ARNT: variants seen among roughly 807,000 people sequenced by gnomAD.
ARNT encodes class E basic helix-loop-helix protein 2.
In ARNT, 30 loss-of-function variants were observed where a neutral mutation model predicts 105.0. That is an observed-to-expected ratio of 0.29 (90% CI 0.21 to 0.39). The LOEUF (loss-of-function observed/expected upper bound fraction) is 0.39. ARNT is among the 10% of genes least tolerant of loss of function. ARNT has a pLI of 1.00. For synonymous variants in ARNT, 304 were observed against 344.0 expected (o/e 0.88, Z 1.29); for missense variants, 748 against 978.7 (o/e 0.76, Z 3.15).
rs10305703 is a variant in ARNT, at chr1:150,832,163, T to C, written c.869+171A>G. ...ATTTTCAAGAGAAGTTTTAGAAGTT[T>C]AGGAAAATATTGCCAGAAAAAAAGT... On this transcript the variant is annotated intron_variant, in intron 9 of 21. Coordinates refer to ENST00000358595, the MANE Select transcript of ARNT (RefSeq NM_001668.4). Among the ~76,000 whole-genome samples, 102 of 152,276 alleles carry C rather than the reference T, an allele frequency of 6.7e-4. 1 individual carries two copies. The South Asian group carries it at 0.02, about 30-fold the overall frequency.
At position 150,817,085 on chromosome 1, in the gene ARNT, C is replaced by T. The variant is rs1656042130; in HGVS notation, c.1696G>A (p.Ala566Thr). 2 of 1,614,098 alleles carry T rather than the reference C, an allele frequency of 1.2e-6. No homozygotes were observed. Among genetic ancestry groups the T allele is most frequent in the Non-Finnish European group, 8.5e-7 (1 of 1,180,004 alleles). The change falls in exon 17 of 22, where the codon GCG becomes ACG. Residue 566 changes from alanine to threonine, a missense_variant. Physicochemically the swap from Ala to Thr is moderately conservative, Grantham distance 58 (BLOSUM62 0). Transcript: ENST00000358595. ...RFSEIYHNIN[A>T]DQSKGISSST... ...GGATAATGAGAAAGAAACATACCCGCATTGATGTTGTGATAGATTTCTGAA... is the reference window on the plus strand; with the variant it reads ...GGATAATGAGAAAGAAACATACCCGTATTGATGTTGTGATAGATTTCTGAA...
At chr1:150,846,783 C>A (rs903195088) in intron 3 of ARNT, among the ~76,000 whole-genome samples, 1 of 152,116 alleles carries the variant, frequency 6.6e-6, no homozygotes, top group African/African-American at 2.4e-5. Flanking sequence ...TTCTCCTTCA[C>A]CCCAACCCCT....
Position 150,818,017 on chromosome 1 carries a change from C to T in ARNT, c.1408G>A (p.Glu470Lys), listed in dbSNP as rs757845103. The change falls in exon 15 of 22, where the codon GAA becomes AAA. Residue 470 changes from glutamate to lysine, a missense_variant. By Grantham distance (56) the Glu-to-Lys change is moderately conservative. Coordinates refer to ENST00000358595, the MANE Select transcript of ARNT (RefSeq NM_001668.4). ...TNTNVKNSSQ[E>K]PRPTLSNTIQ... is the part of the protein sequence containing the mutation. Reference sequence around the variant, plus strand: ...GTGTTGGAGAGTGTAGGCCGTGGTTCTTGGCTAGAGTTCCTAGGAAACCAG... The same window carrying T: ...GTGTTGGAGAGTGTAGGCCGTGGTTTTTGGCTAGAGTTCCTAGGAAACCAG... The T allele has an allele frequency of 3.7e-6, 6 of 1,608,136 alleles. No individual in the cohort carries two copies. In the Admixed American group the frequency reaches 8.4e-5, roughly 23 times the overall value.
chr1:150,813,314 C>T lies in ARNT; in HGVS notation c.2138G>A (p.Gly713Glu). Reference protein sequence around the residue: ...NFAPETGQTAGQFQTRTAEGV... With the variant: ...NFAPETGQTAEQFQTRTAEGV... ...CTCTGCTGTCCGTGTCTGGAATTGTCCTGCAGTCTGTCCAGTCTCAGGAGC... is the reference window on the plus strand; with the variant it reads ...CTCTGCTGTCCGTGTCTGGAATTGTTCTGCAGTCTGTCCAGTCTCAGGAGC... The change falls in exon 21 of 22, where the codon GGA becomes GAA. Residue 713 changes from glycine to glutamate, a missense_variant. This residue lies in a region of ARNT where 360 missense variants were observed against 411.9 expected (regional missense o/e 0.87). Transcript: ENST00000358595. 1 of 1,613,028 alleles carries T rather than the reference C, an allele frequency of 6.2e-7. No homozygotes were observed. The highest frequency in any genetic ancestry group is 8.5e-7 in the Non-Finnish European group (1 of 1,179,470).
chr1:150,872,506 C>T (rs1426650771), intron 1 of ARNT, among the ~76,000 whole-genome samples: 1 of 152,214 alleles, frequency 6.6e-6, no homozygotes, highest in Non-Finnish European at 1.5e-5. Context: ...AAAGAATTCT[C>T]TGCTAATGAG....
chr1:150,851,842 A>T (rs1663643686), intron 3 of ARNT, among the ~76,000 whole-genome samples: 1 of 152,138 alleles, frequency 6.6e-6, no homozygotes, highest in Non-Finnish European at 1.5e-5. Context: ...AGAAACACCC[A>T]AGAATGATCA....
intron 9 of ARNT, 30 bp downstream of exon 9, chr1:150,832,304 C>T (rs771799495): frequency 6.2e-7 from 1 of 1,612,182 alleles, no homozygotes; most frequent in Non-Finnish European, 8.5e-7. Flanking sequence ...ATTTGGCCAT[C>T]CCTTTGGTTT....
chr1:150,809,845 C>T lies in ARNT; in HGVS notation c.*2176G>A. 1 of 223,636 alleles carries T rather than the reference C, an allele frequency of 4.5e-6. No individual in the cohort carries two copies. The highest frequency in any genetic ancestry group is 6.4e-5 in the East Asian group (1 of 15,540). 13.9% of individuals were successfully genotyped at this position (223,636 alleles called of 1,614,324 possible). A position where few individuals can be genotyped will look rare whatever the true frequency, so the allele number is the denominator to read the frequency against. ...CAGGCAACGCCCACCCCAAAACCCC[C>T]ACCTCATGGTCAGAGCATTCCTGCT... is the stretch of plus-strand genomic sequence containing the variant. On this transcript the variant is annotated 3_prime_UTR_variant, in exon 22 of 22. Coordinates refer to ENST00000358595, the MANE Select transcript of ARNT (RefSeq NM_001668.4).
chr1:150,868,909 A>G (rs1667026846), intron 1 of ARNT, among the ~76,000 whole-genome samples: 1 of 151,356 alleles, frequency 6.6e-6, no homozygotes, highest in South Asian at 2.1e-4. Flanking sequence ...AAAAATAATA[A>G]TAAAATTTAA....
intron 1 of ARNT, among the ~76,000 whole-genome samples, chr1:150,865,003 T>TATA (rs1666321840): frequency 6.6e-6 from 1 of 150,844 alleles, no homozygotes; most frequent in Non-Finnish European, 1.5e-5. Context: ...AAGACAAACA[T>TATA]ATAACTTTAA....
chr1:150,853,678 A>G (rs1664040655), intron 2 of ARNT, among the ~76,000 whole-genome samples: 1 of 152,232 alleles, frequency 6.6e-6, no homozygotes, highest in Non-Finnish European at 1.5e-5. Flanking sequence ...GGGGCTCTTC[A>G]CCTAGAGAAA....
chr1:150,821,329 A>G (rs1429071200), intron 14 of ARNT, among the ~76,000 whole-genome samples: 1 of 152,180 alleles, frequency 6.6e-6, no homozygotes, highest in African/African-American at 2.4e-5. Flanking sequence ...CTGTTCCCAA[A>G]TGTTATTCAA....
In ARNT at chr1:150,850,334, C is replaced by T. The variant is rs374552527; in HGVS notation, c.182+2428G>A. 1.3e-3 allele frequency among the ~76,000 whole-genome samples: 201 copies of T among 152,308 alleles called. 1 individual carries two copies. Among genetic ancestry groups the T allele is most frequent in the African/African-American group, 4.6e-3 (192 of 41,570 alleles). On this transcript the variant is annotated intron_variant, in intron 3 of 21. Transcript: ENST00000358595. ...CCACGGTCTCCCTCTGATGCCGAGC[C>T]GAAGCTGGACTGTACTGCTGCCATC...
In ARNT at chr1:150,864,551, G is replaced by C. The variant is rs1466521027; in HGVS notation, c.26-6091C>G. 2.2e-5 allele frequency among the ~76,000 whole-genome samples: 3 copies of C among 137,776 alleles called. No homozygotes were observed. The East Asian group carries it at 6.5e-4, about 30-fold the overall frequency. 90.4% of individuals were successfully genotyped at this position (137,776 alleles called of 152,430 possible). A position where few individuals can be genotyped will look rare whatever the true frequency, so the allele number is the denominator to read the frequency against. The stretch of plus-strand genomic sequence containing the variant: ...ACCGCATATTCTCACTCATAGGTGG[G>C]AACTGAACAATGAGATCACATGGAC... On this transcript the variant is annotated intron_variant, in intron 1 of 21. Coordinates refer to ENST00000358595, the MANE Select transcript of ARNT (RefSeq NM_001668.4).
At chr1:150,813,071 C>A in intron 21 of ARNT, 101 bp downstream of exon 21, 2 of 1,362,698 alleles carry the variant, frequency 1.5e-6, no homozygotes, top group Non-Finnish European at 1.0e-6. Context: ...ATACCCCCAA[C>A]CAAACACCTC....
chr1:150,860,539 T>C (rs1665443424), intron 1 of ARNT, among the ~76,000 whole-genome samples: 1 of 151,568 alleles, frequency 6.6e-6, no homozygotes, highest in South Asian at 2.1e-4. Context: ...TCGAATCATA[T>C]ATGCAACACA....
rs1256459503 is a variant in ARNT, at chr1:150,838,042, TTCAA to T, written c.486+1395_486+1398del. ...AAACTAATTAAGTAGTCGCCCTGCT[TTCAA>T]TCAATCCTTAAAATGCTACCAGATC... On this transcript the variant is annotated intron_variant, in intron 6 of 21. Coordinates refer to ENST00000358595, the MANE Select transcript of ARNT (RefSeq NM_001668.4). Among the ~76,000 whole-genome samples the T allele has an allele frequency of 3.9e-5, 6 of 152,288 alleles. No homozygotes were observed. The East Asian group carries it at 5.8e-4, about 15-fold the overall frequency.
Position 150,834,375 on chromosome 1 carries a change from G to A in ARNT, c.803+163C>T, listed in dbSNP as rs973475079. Among the ~76,000 whole-genome samples the A allele has an allele frequency of 5.0e-4, 76 of 152,272 alleles. 2 individuals are homozygous for A. The highest frequency in any genetic ancestry group is 1.1e-3 in the Admixed American group (17 of 15,298). On this transcript the variant is annotated intron_variant, in intron 8 of 21. Transcript: ENST00000358595. ...CATAGTGTCTGGCAAGTTCAGAAAC[G>A]TTAGTTCCCTTTCCAAATACTTTAT... is the stretch of plus-strand genomic sequence containing the variant.
chr1:150,848,407 GAT>G (rs1662662844), intron 3 of ARNT, among the ~76,000 whole-genome samples: 1 of 151,030 alleles, frequency 6.6e-6, no homozygotes, highest in Non-Finnish European at 1.5e-5. Context: ...AATGAGCAGA[GAT>G]CGAACCACTG....
Sources: gnomAD v4.1 joint callset for allele counts (sites outside exome capture counted in the v4.1 genomes callset) on GRCh38, gnomAD v4.1.1 for gene constraint, gnomAD v4.1.1 regional missense constraint, MANE v1.5 for transcripts, NCBI Gene and HGNC (gene_info 2026-07-23, HGNC 2026-07-21) for gene names.